Variants in CYP2A6 observed in about 807,000 individuals in gnomAD.
CYP2A6 encodes cytochrome P450 family 2 subfamily A member 6.
A neutral mutation model predicts 42.3 loss-of-function variants in CYP2A6; 27 were observed. The observed-to-expected ratio is 0.64, with a 90% CI of 0.47 to 0.88. CYP2A6 has a LOEUF of 0.88. Among genes scored for constraint, CYP2A6 ranks in the 40% least tolerant of loss-of-function variants. CYP2A6 has a pLI of 0.00. For missense variants in CYP2A6, 628 were observed against 646.0 expected, an observed-to-expected ratio of 0.97 and a Z score of 0.30; for synonymous variants, 238 against 246.3, an observed-to-expected ratio of 0.97 and a Z score of 0.31.
At chr19:40,846,692 C>T (rs1265848972) in intron 5 of CYP2A6, among the ~76,000 whole-genome samples, 183 bp downstream of exon 5, 3 of 151,362 alleles carry the variant, frequency 2.0e-5, no homozygotes, top group Non-Finnish European at 4.4e-5. Flanking sequence ...TCAGGTGATC[C>T]ACCTGCCTCG....
chr19:40,846,188 T>C (rs535042041), intron 5 of CYP2A6, 91 bp from the exon 6 acceptor site: 105 of 1,555,176 alleles, frequency 6.8e-5, no homozygotes, highest in African/African-American at 1.2e-4. Flanking sequence ...TCTCTTTGGT[T>C]CAGACCAAAG....
intron 8 of CYP2A6, among the ~76,000 whole-genome samples, chr19:40,844,361 G>A (rs2083444997): frequency 6.6e-6 from 1 of 151,336 alleles, no homozygotes; most frequent in Admixed American, 6.6e-5. Flanking sequence ...TGACTGCTGT[G>A]CCGTCATCTC....
intron 5 of CYP2A6, among the ~76,000 whole-genome samples, chr19:40,846,400 G>C (rs750530739): frequency 6.7e-6 from 1 of 150,096 alleles, no homozygotes; most frequent in African/African-American, 2.5e-5. Flanking sequence ...TGCACAGGCC[G>C]GACTCCAACT....
rs1360120970 is a variant in CYP2A6 at position 40,848,778 on chromosome 19, G to C, written c.344-15C>G. The stretch of plus-strand genomic sequence containing the variant: ...GAATACCACGCCTGGGGAGGTGAAC[G>C]CGGGAATGGAGACAGGCCAGGGGGC... On this transcript the variant is annotated splice_polypyrimidine_tract_variant and intron_variant, in intron 2 of 8. Coordinates refer to ENST00000301141, the MANE Select transcript of CYP2A6 (RefSeq NM_000762.6). The C allele has an allele frequency of 6.2e-7, 1 of 1,609,054 alleles. No homozygotes were observed. Among genetic ancestry groups the C allele is most frequent in the Non-Finnish European group, 8.5e-7 (1 of 1,179,120 alleles).
In CYP2A6 at chr19:40,845,289, A is replaced by G; in HGVS notation, c.1161+5T>C. On this transcript the variant is annotated splice_donor_5th_base_variant and intron_variant, in intron 7 of 8. Coordinates refer to ENST00000301141, the MANE Select transcript of CYP2A6 (RefSeq NM_000762.6). ...CGTAGTCTGGGGGGTGGGGGCGGAT[A>G]GCACCTTAGGGAGGAAGAAATCCCG... The G allele has an allele frequency of 1.9e-6, 3 of 1,611,526 alleles. No homozygotes were observed. The highest frequency in any genetic ancestry group is 2.5e-6 in the Non-Finnish European group (3 of 1,179,838).
Position 40,848,723 on chromosome 19 carries a change from C to T in CYP2A6, c.384G>A (p.Arg128=), listed in dbSNP as rs1385331382. 6.2e-7 allele frequency: 1 copy of T among 1,611,812 alleles called. No individual in the cohort carries two copies. The highest frequency in any genetic ancestry group is 2.3e-5 in the East Asian group (1 of 43,366). The change falls in exon 3 of 9, where the codon CGG becomes CGA. Residue 128 remains arginine, a synonymous_variant. Transcript: ENST00000301141. The part of the protein sequence containing the change: ...FSNGERAKQL[R]RFSIATLRDF... Reference sequence around the variant, plus strand: ...CCCGCAGGGTGGCGATGGAGAAGCGCCGGAGCTGCTTGGCGCGCTCCCCGT... The same window carrying T: ...CCCGCAGGGTGGCGATGGAGAAGCGTCGGAGCTGCTTGGCGCGCTCCCCGT...
chr19:40,849,454 A>G (rs952489178), intron 2 of CYP2A6, among the ~76,000 whole-genome samples: 1 of 151,374 alleles, frequency 6.6e-6, no homozygotes, highest in Non-Finnish European at 1.5e-5. Context: ...ATGCGGAGAG[A>G]TGAGAAACAC....
In CYP2A6 at chr19:40,843,711, T is replaced by A; in HGVS notation, c.*85A>T. The A allele has an allele frequency of 1.5e-6, 2 of 1,347,030 alleles. No individual in the cohort carries two copies. Among genetic ancestry groups the A allele is most frequent in the Non-Finnish European group, 2.0e-6 (2 of 1,008,680 alleles). The allele number at this position is 1,347,030 out of a possible 1,614,324, so 83.4% of individuals were successfully genotyped here. On this transcript the variant is annotated 3_prime_UTR_variant, in exon 9 of 9. Transcript: ENST00000301141. ...CTTTCCGCCATCCTGCCCCCAGTCT[T>A]AGCTGCGCCCCTCTCCCAAGCCCGG... is the stretch of plus-strand genomic sequence containing the variant.
At chr19:40,845,173 C>G (rs1568514003) in intron 7 of CYP2A6, 121 bp downstream of exon 7, 3 of 1,323,734 alleles carry the variant, frequency 2.3e-6, no homozygotes, top group Non-Finnish European at 3.2e-6. Context: ...TTGGGGAAGT[C>G]TTTTTTGACT....
At chr19:40,848,074 A>G (rs760963468) in intron 4 of CYP2A6, 145 bp downstream of exon 4, 1 of 1,429,812 alleles carries the variant, frequency 7.0e-7, no homozygotes, top group East Asian at 2.5e-5. Flanking sequence ...GTTCTGGTGC[A>G]ACTGTCCAGT....
At chr19:40,849,691 G>A in intron 2 of CYP2A6, 127 bp downstream of exon 2, 1 of 1,514,888 alleles carries the variant, frequency 6.6e-7, no homozygotes. Context: ...AAGGGAGATG[G>A]GGAGGGAAGA....
At position 40,850,314 on chromosome 19, in the gene CYP2A6, G is replaced by GT; in HGVS notation, c.112dup (p.Thr38AsnfsTer26). On this transcript the variant is annotated frameshift_variant, in exon 1 of 9. Transcript: ENST00000301141. LOFTEE classifies it high-confidence loss of function. ...GTAGTTTCCAATGAAGGGCAATGGGGTGGGTCCCGGAGGCAGCTTCCCCTT... is the reference window on the plus strand; with the variant it reads ...GTAGTTTCCAATGAAGGGCAATGGGGTTGGGTCCCGGAGGCAGCTTCCCCTT... The GT allele has an allele frequency of 6.2e-7, 1 of 1,610,080 alleles. No homozygotes were observed. Among genetic ancestry groups the GT allele is most frequent in the South Asian group, 1.1e-5 (1 of 90,792 alleles).
At position 40,850,422 on chromosome 19, in the gene CYP2A6, A is replaced by G; in HGVS notation, c.5T>C (p.Leu2Pro). The G allele has an allele frequency of 8.1e-6, 13 of 1,608,780 alleles. No individual in the cohort carries two copies. Among genetic ancestry groups the G allele is most frequent in the Non-Finnish European group, 1.1e-5 (13 of 1,177,932 alleles). M[L>P]ASGMLLVALL... is the part of the protein sequence containing the mutation. ...GGCCACCAGAAGCATCCCTGAGGCC[A>G]GCATGGTGGTAGTGGGATGATAGAT... The change falls in exon 1 of 9, where the codon CTG (leucine) becomes CCG (proline). Residue 2 changes from leucine (L) to proline (P), a missense_variant. By Grantham distance (98) the Leu-to-Pro change is moderately conservative (BLOSUM62 -3). This residue lies in a region of CYP2A6 where 606 missense variants were observed against 568.1 expected (regional missense o/e 1.07). Transcript: ENST00000301141.
At chr19:40,849,135 G>GA in intron 2 of CYP2A6, among the ~76,000 whole-genome samples, 2 of 144,408 alleles carry the variant, frequency 1.4e-5, no homozygotes, top group South Asian at 4.6e-4. Context: ...AGAAAGGCCA[G>GA]ACAGAGAGAT....
chr19:40,846,988 A>C lies in CYP2A6; in HGVS notation c.718T>G (p.Leu240Val), dbSNP rs1422483942. ...ATGAAGTCCTCCAGCCCTTGCAGCA[A>C]CTGAAAGGCCTGTTGCTGTGGTCCT... ...LPGPQQQAFQLLQGLEDFIAK... is the reference protein window; with the variant it reads ...LPGPQQQAFQVLQGLEDFIAK... Residue 240 changes from leucine (L) to valine (V), a missense_variant, in exon 5 of 9, where the codon TTG becomes GTG. Transcript: ENST00000301141. The C allele has an allele frequency of 3.1e-6, 5 of 1,611,818 alleles. No individual in the cohort carries two copies. Among genetic ancestry groups the C allele is most frequent in the Non-Finnish European group, 4.2e-6 (5 of 1,179,864 alleles).
Position 40,848,911 on chromosome 19 carries a change from A to G in CYP2A6, c.344-148T>C, listed in dbSNP as rs1301845012. 2.4e-5 allele frequency: 18 copies of G among 745,612 alleles called. 1 individual carries two copies. Among genetic ancestry groups the G allele is most frequent in the Non-Finnish European group, 1.2e-5 (6 of 496,014 alleles). 46.2% of individuals were successfully genotyped at this position (745,612 alleles called of 1,614,324 possible). ...AGCGCCATTGCCCAGCAGAGCTGCAAACTCAGTCAGAGAAACACGATGTCG... is the reference window on the plus strand; with the variant it reads ...AGCGCCATTGCCCAGCAGAGCTGCAGACTCAGTCAGAGAAACACGATGTCG... On this transcript the variant is annotated intron_variant, in intron 2 of 8. Transcript: ENST00000301141.
Position 40,848,562 on chromosome 19 carries a change from C to G in CYP2A6, c.493+52G>C. ...CCAGGCAGAACGCGCGCGGGTTCCT[C>G]GTCCTGGGTGTTTTCCTTCTCCTGC... On this transcript the variant is annotated intron_variant, in intron 3 of 8. Coordinates refer to ENST00000301141, the MANE Select transcript of CYP2A6 (RefSeq NM_000762.6). 4.4e-6 allele frequency: 7 copies of G among 1,598,424 alleles called. No homozygotes were observed. The Admixed American group carries it at 5.0e-5, about 12-fold the overall frequency.
intron 5 of CYP2A6, 45 bp from the exon 6 acceptor site, chr19:40,846,142 T>C: frequency 6.2e-7 from 1 of 1,603,886 alleles, no homozygotes; most frequent in Non-Finnish European, 8.5e-7. Flanking sequence ...CCTCTTGCCC[T>C]CAGGGCCCTT....
In CYP2A6 at chr19:40,845,639, G is replaced by A. The variant is rs563421126; in HGVS notation, c.974-158C>T. ...GACATCAGCCATTCGCATTGTTGGA[G>A]TAGGATCCTGTTAACCAGGTTGTGC... On this transcript the variant is annotated intron_variant, in intron 6 of 8. Transcript: ENST00000301141. Among the ~76,000 whole-genome samples, 4 of 151,654 alleles carry A rather than the reference G, an allele frequency of 2.6e-5. No homozygotes were observed. In the East Asian group the frequency reaches 8.0e-4, roughly 30 times the overall value.
Sources: allele counts gnomAD v4.1 joint callset (sites outside exome capture counted in the v4.1 genomes callset), GRCh38; gene constraint gnomAD v4.1.1; regional missense constraint gnomAD v4.1.1; transcripts MANE v1.5; gene names NCBI Gene and HGNC (gene_info 2026-07-23, HGNC 2026-07-21).